PDE3B: variants seen among roughly 807,000 people sequenced by gnomAD.
The protein encoded by PDE3B is phosphodiesterase 3B.
Under a neutral mutation model 116.8 loss-of-function variants are expected in PDE3B, and 66 were observed. The observed-to-expected ratio is 0.56, with a 90% CI of 0.46 to 0.69. The LOEUF (loss-of-function observed/expected upper bound fraction) is 0.69. Ranked by LOEUF, PDE3B falls within the 30% of genes least tolerant of loss-of-function variation. PDE3B has a pLI of 0.00. For synonymous variants in PDE3B, 595 were observed against 533.6 expected (o/e 1.12, Z -1.59); for missense variants, 1,384 against 1,368.1 (o/e 1.01, Z -0.18).
the PDE3B span, chr11:14,879,393 A>G: frequency 1.2e-6 from 2 of 1,608,502 alleles, no homozygotes; most frequent in Non-Finnish European, 1.7e-6. Context: ...TCGTCCCAAG[A>G]AGGCTTCCCA....
intron 1 of PDE3B, among the ~76,000 whole-genome samples, chr11:14,645,613 G>A (rs1853379220): frequency 6.6e-6 from 1 of 152,156 alleles, no homozygotes; most frequent in African/African-American, 2.4e-5. Flanking sequence ...TGAAAAGACA[G>A]CAGTATAGGT....
chr11:14,732,883 GT>G (rs1299261152), intron 1 of PDE3B, among the ~76,000 whole-genome samples: 2 of 152,104 alleles, frequency 1.3e-5, no homozygotes, highest in African/African-American at 4.8e-5. Flanking sequence ...ATATAAACCT[GT>G]TTTGTTTTGC....
the PDE3B span, chr11:14,892,393 C>T: frequency 1.6e-6 from 1 of 626,434 alleles, no homozygotes; most frequent in African/African-American, 1.8e-5. Context: ...TGAGAGTGGA[C>T]TTTGCGGAGC....
chr11:14,816,601 T>G (rs1375085766), intron 5 of PDE3B, among the ~76,000 whole-genome samples: 1 of 152,242 alleles, frequency 6.6e-6, no homozygotes, highest in Non-Finnish European at 1.5e-5. Context: ...CTTGTTTGTA[T>G]TCTTCACTAC....
chr11:14,839,247 C>G (rs564650405), intron 11 of PDE3B, among the ~76,000 whole-genome samples: 2 of 152,262 alleles, frequency 1.3e-5, no homozygotes, highest in African/African-American at 4.8e-5. Flanking sequence ...TTCATCAATT[C>G]CTTGATCTTT....
At chr11:14,885,939 A>C in the PDE3B span, 28 of 1,610,868 alleles carry the variant, frequency 1.7e-5, no homozygotes, top group Non-Finnish European at 2.4e-5. Context: ...GAAGAAAAAC[A>C]ACATTTAAAT....
intron 1 of PDE3B, among the ~76,000 whole-genome samples, chr11:14,666,970 A>G (rs1250235183): frequency 2.6e-5 from 4 of 151,114 alleles, no homozygotes; most frequent in Admixed American, 2.6e-4. Context: ...TGCTGCTATA[A>G]AGACACATGC....
At chr11:14,687,018 T>C (rs1489548621) in intron 1 of PDE3B, among the ~76,000 whole-genome samples, 1 of 152,172 alleles carries the variant, frequency 6.6e-6, no homozygotes, top group Non-Finnish European at 1.5e-5. Flanking sequence ...TGGCCATTCT[T>C]TTATTAAAAT....
At chr11:14,840,172 G>C (rs888453718) in intron 11 of PDE3B, among the ~76,000 whole-genome samples, 3 of 152,186 alleles carry the variant, frequency 2.0e-5, no homozygotes, top group African/African-American at 7.2e-5. Context: ...GTCTTTTGCA[G>C]ATAGAGATCC....
At chr11:14,681,525 T>C (rs1215498008) in intron 1 of PDE3B, among the ~76,000 whole-genome samples, 2 of 152,236 alleles carry the variant, frequency 1.3e-5, no homozygotes, top group African/African-American at 2.4e-5. Context: ...CAATTAAACC[T>C]CTTTCCTTTA....
At chr11:14,874,594 C>A (rs1848172619), downstream of PDE3B, among the ~76,000 whole-genome samples, 1 of 152,100 alleles carries the variant, frequency 6.6e-6, no homozygotes, top group African/African-American at 2.4e-5. Flanking sequence ...TTTCCCACTA[C>A]CCAATTTAAG....
In PDE3B at chr11:14,779,888, A is replaced by C. The variant is rs528787178; in HGVS notation, c.1030-6549A>C. Reference sequence around the variant, plus strand: ...CACAGACTGGCAAATTGGATAGAGTAAAGACCCATCAGTGTGCTGTATTCA... The same window carrying C: ...CACAGACTGGCAAATTGGATAGAGTCAAGACCCATCAGTGTGCTGTATTCA... On this transcript the variant is annotated intron_variant, in intron 2 of 15. Coordinates refer to ENST00000282096, the MANE Select transcript of PDE3B (RefSeq NM_000922.4). Among the ~76,000 whole-genome samples, 166 of 151,556 alleles carry C rather than the reference A, an allele frequency of 1.1e-3. 1 individual carries two copies. The highest frequency in any genetic ancestry group is 1.9e-3 in the Non-Finnish European group (127 of 67,960).
intron 12 of PDE3B, among the ~76,000 whole-genome samples, chr11:14,853,170 C>T (rs1196298213): frequency 6.6e-6 from 1 of 152,186 alleles, no homozygotes; most frequent in East Asian, 1.9e-4. Flanking sequence ...CTCCTTCCAT[C>T]TAAAATTTCA....
At chr11:14,688,113 T>TTCTCTCTCTCTCTCTCTCTCTCTC (rs35700152) in intron 1 of PDE3B, among the ~76,000 whole-genome samples, 11 of 109,932 alleles carry the variant, frequency 1.0e-4, no homozygotes, top group African/African-American at 2.5e-4. Flanking sequence ...CTCTCTCTCT[T>TTCTCTCTCTCTCTCTCTCTCTCTC]TCTCTCTCTC....
chr11:14,645,296 T>C (rs1853367996), intron 1 of PDE3B, among the ~76,000 whole-genome samples: 1 of 151,642 alleles, frequency 6.6e-6, no homozygotes, highest in Admixed American at 6.6e-5. Context: ...AATAGCCCGC[T>C]AATCACATGG....
At chr11:14,789,636 G>A (rs1858322705) in intron 4 of PDE3B, among the ~76,000 whole-genome samples, 1 of 152,004 alleles carries the variant, frequency 6.6e-6, no homozygotes, top group African/African-American at 2.4e-5. Context: ...AGAGGAGCAC[G>A]TTTCCAAGGC....
chr11:14,856,795 A>G (rs1555006249), intron 12 of PDE3B, among the ~76,000 whole-genome samples: 1 of 151,546 alleles, frequency 6.6e-6, no homozygotes, highest in African/African-American at 2.4e-5. Context: ...CAGAGCTTGC[A>G]GTGAGCTGAG....
intron 11 of PDE3B, 85 bp downstream of exon 11, chr11:14,835,180 G>A: frequency 1.2e-6 from 1 of 840,438 alleles, no homozygotes; most frequent in Non-Finnish European, 1.9e-6. Flanking sequence ...GTTCTTTTAA[G>A]TTTTTCATTA....
chr11:14,689,700 C>G (rs1360913725), intron 1 of PDE3B, among the ~76,000 whole-genome samples: 1 of 152,074 alleles, frequency 6.6e-6, no homozygotes, highest in Non-Finnish European at 1.5e-5. Flanking sequence ...GATGAAGAGT[C>G]AGTGAAGAAA....
Sources: gnomAD v4.1 joint callset for allele counts (sites outside exome capture counted in the v4.1 genomes callset) on GRCh38, gnomAD v4.1.1 for gene constraint, MANE v1.5 for transcripts, NCBI Gene and HGNC (gene_info 2026-07-23, HGNC 2026-07-21) for gene names.